Variants in HSF2 observed in about 807,000 individuals in gnomAD.
HSF2 encodes heat shock factor protein 2.
In HSF2, 21 loss-of-function variants were observed where a neutral mutation model predicts 65.0. The ratio of observed to expected loss-of-function variants is 0.32; its 90% confidence interval spans 0.23 to 0.47. HSF2 has a LOEUF of 0.47. Ranked by LOEUF, HSF2 falls within the 20% of genes least tolerant of loss-of-function variation. The pLI is 1.00. For missense variants in HSF2, 499 were observed against 628.1 expected, an observed-to-expected ratio of 0.79 and a Z score of 2.20; for synonymous variants, 225 against 219.1, an observed-to-expected ratio of 1.03 and a Z score of -0.24.
intron 7 of HSF2, among the ~76,000 whole-genome samples, chr6:122,421,399 A>C (rs1379033296): frequency 1.4e-5 from 2 of 147,726 alleles, no homozygotes; most frequent in African/African-American, 5.0e-5. Flanking sequence ...TTAGAAAATA[A>C]TCAAGCATAC....
At chr6:122,399,953 C>A in intron 1 of HSF2, 123 bp downstream of exon 1, 1 of 754,852 alleles carries the variant, frequency 1.3e-6, no homozygotes. Flanking sequence ...CGGTGCGGGG[C>A]CTTGGCGTTC....
intron 11 of HSF2, among the ~76,000 whole-genome samples, chr6:122,428,424 C>CT (rs1774384324): frequency 6.6e-6 from 1 of 151,754 alleles, no homozygotes; most frequent in East Asian, 1.9e-4. Flanking sequence ...GAATATTTGA[C>CT]TTTTTTTAAG....
At chr6:122,410,664 G>A (rs911353314) in intron 1 of HSF2, among the ~76,000 whole-genome samples, 2 of 151,820 alleles carry the variant, frequency 1.3e-5, no homozygotes, top group Admixed American at 1.3e-4. Flanking sequence ...GAATTGTACA[G>A]TATTTGTTCT....
At chr6:122,423,720 A>G in intron 10 of HSF2, 34 bp downstream of exon 10, 1 of 1,196,506 alleles carries the variant, frequency 8.4e-7, no homozygotes, top group Non-Finnish European at 1.2e-6. Flanking sequence ...CTATACTGGT[A>G]GTTTGTGTGT....
chr6:122,402,697 T>C lies in HSF2; in HGVS notation c.93+2867T>C, dbSNP rs45523537. On this transcript the variant is annotated intron_variant, in intron 1 of 12. Coordinates refer to ENST00000368455, the MANE Select transcript of HSF2 (RefSeq NM_004506.4). Reference sequence around the variant, plus strand: ...CGTCTCGAGTAGTTGTGATTACAGATGCGCACCACCATGCCTGGCTAATTT... The same window carrying C: ...CGTCTCGAGTAGTTGTGATTACAGACGCGCACCACCATGCCTGGCTAATTT... Among the ~76,000 whole-genome samples the C allele has an allele frequency of 3.5e-3, 538 of 152,104 alleles. 3 individuals carry two copies. Among genetic ancestry groups the C allele is most frequent in the Middle Eastern group, 0.01 (3 of 294 alleles).
At chr6:122,399,578 C>T, upstream of HSF2, 1 of 599,662 alleles carries the variant, frequency 1.7e-6, no homozygotes, top group Non-Finnish European at 2.9e-6. Context: ...GGCCGCCCGG[C>T]CTCTCGGCCT....
intron 11 of HSF2, 60 bp downstream of exon 11, chr6:122,428,016 A>G (rs921683109): frequency 9.5e-7 from 1 of 1,053,144 alleles, no homozygotes; most frequent in Middle Eastern, 2.1e-4. Flanking sequence ...AAAACGTCCT[A>G]ATAAGTAGAG....
intron 10 of HSF2, among the ~76,000 whole-genome samples, chr6:122,426,834 G>T (rs1484835931): frequency 6.6e-6 from 1 of 151,954 alleles, no homozygotes; most frequent in African/African-American, 2.4e-5. Flanking sequence ...CATTCCCAAG[G>T]CTCTTATTGC....
intron 4 of HSF2, among the ~76,000 whole-genome samples, chr6:122,414,038 T>A (rs12213993): frequency 1.3e-5 from 2 of 152,034 alleles, no homozygotes; most frequent in Non-Finnish European, 2.9e-5. Flanking sequence ...ATCCTTTGTT[T>A]AATGGCTGTC....
intron 10 of HSF2, among the ~76,000 whole-genome samples, chr6:122,427,004 C>G (rs940478679): frequency 6.6e-6 from 1 of 152,018 alleles, no homozygotes; most frequent in African/African-American, 2.4e-5. Flanking sequence ...TTTCCAAGTT[C>G]TAACCTAATA....
At position 122,413,453 on chromosome 6, in the gene HSF2, A is replaced by G. The variant is rs1326387044; in HGVS notation, c.331-72A>G. 44 of 1,156,444 alleles carry G rather than the reference A, an allele frequency of 3.8e-5. No homozygotes were observed. The East Asian group carries it at 1.1e-3, about 28-fold the overall frequency. 71.6% of individuals were successfully genotyped at this position (1,156,444 alleles called of 1,614,324 possible). On this transcript the variant is annotated intron_variant, in intron 3 of 12. Coordinates refer to ENST00000368455, the MANE Select transcript of HSF2 (RefSeq NM_004506.4). ...TGAACAGGCTACGAAAACCTCTTCTAATAGGGAAGCTTTGAATTACAATCA... is the reference window on the plus strand; with the variant it reads ...TGAACAGGCTACGAAAACCTCTTCTGATAGGGAAGCTTTGAATTACAATCA...
chr6:122,427,100 C>T (rs777843168), intron 10 of HSF2, among the ~76,000 whole-genome samples: 4 of 151,886 alleles, frequency 2.6e-5, no homozygotes, highest in African/African-American at 9.7e-5. Flanking sequence ...TCCTCCCTTC[C>T]CATTGTCTTA....
intron 1 of HSF2, among the ~76,000 whole-genome samples, chr6:122,401,351 G>A (rs1773729560): frequency 6.6e-6 from 1 of 152,192 alleles, no homozygotes; most frequent in African/African-American, 2.4e-5. Context: ...ACGTATTCGT[G>A]TTAGAGATTG....
chr6:122,408,753 A>G (rs1021079457), intron 1 of HSF2, among the ~76,000 whole-genome samples: 4 of 151,976 alleles, frequency 2.6e-5, no homozygotes, highest in African/African-American at 9.7e-5. Flanking sequence ...GAGTAGAAGC[A>G]ATTATCATGG....
intron 1 of HSF2, among the ~76,000 whole-genome samples, chr6:122,409,976 G>C (rs1486677097): frequency 6.6e-6 from 1 of 151,884 alleles, no homozygotes; most frequent in Admixed American, 6.6e-5. Flanking sequence ...TTCTCAGATA[G>C]ATTTGCTGGT....
At chr6:122,425,705 G>GGCATCCCC (rs1199510967) in intron 10 of HSF2, among the ~76,000 whole-genome samples, 5 of 151,416 alleles carry the variant, frequency 3.3e-5, no homozygotes, top group Non-Finnish European at 7.4e-5. Flanking sequence ...TCTACTTAAG[G>GGCATCCCC]GCATCCCCTA....
chr6:122,399,684 GC>G lies in HSF2; in HGVS notation c.-52del. 1 of 1,497,446 alleles carries G rather than the reference GC, an allele frequency of 6.7e-7. No individual in the cohort carries two copies. The highest frequency in any genetic ancestry group is 1.7e-5 in the Admixed American group (1 of 57,342). The allele number at this position is 1,497,446 out of a possible 1,614,324, so 92.8% of individuals were successfully genotyped here. A position where few individuals can be genotyped will look rare whatever the true frequency, so the allele number is the denominator to read the frequency against. ...GGGAGCTGCTGCCGTAGCTGCCGCCGCCGCTACCACCGCGTTCGGGTGTAGA... is the reference window on the plus strand; with the variant it reads ...GGGAGCTGCTGCCGTAGCTGCCGCCGCGCTACCACCGCGTTCGGGTGTAGA... On this transcript the variant is annotated 5_prime_UTR_variant, in exon 1 of 13. Coordinates refer to ENST00000368455, the MANE Select transcript of HSF2 (RefSeq NM_004506.4).
Position 122,419,240 on chromosome 6 carries a change from A to G in HSF2, c.593+11A>G. On this transcript the variant is annotated intron_variant, in intron 6 of 12. Transcript: ENST00000368455. ...TTTAAAACGTAAAAGGTAAGTTTTT[A>G]TGATAAAGTATTATGTCCTGTATAT... 2 of 1,361,890 alleles carry G rather than the reference A, an allele frequency of 1.5e-6. No homozygotes were observed. The highest frequency in any genetic ancestry group is 1.2e-5 in the South Asian group (1 of 84,114). 84.4% of individuals were successfully genotyped at this position (1,361,890 alleles called of 1,614,324 possible). A position where few individuals can be genotyped will look rare whatever the true frequency, so the allele number is the denominator to read the frequency against.
intron 1 of HSF2, among the ~76,000 whole-genome samples, chr6:122,407,434 T>C (rs1414849953): frequency 2.0e-5 from 3 of 152,218 alleles, no homozygotes; most frequent in Non-Finnish European, 4.4e-5. Flanking sequence ...GTATTAGTTA[T>C]CGTTCTTACT....
Sources: gnomAD v4.1 joint callset for allele counts (sites outside exome capture counted in the v4.1 genomes callset) on GRCh38, gnomAD v4.1.1 for gene constraint, MANE v1.5 for transcripts, NCBI Gene and HGNC (gene_info 2026-07-23, HGNC 2026-07-21) for gene names.